The following PIK3CD variants were observed in gnomAD, a reference collection of about 807,000 sequenced individuals.
PIK3CD encodes phosphatidylinositol-4,5-bisphosphate 3-kinase catalytic subunit delta.
PIK3CD carries 20 observed loss-of-function variants against 122.9 expected under a neutral mutation model. That is an observed-to-expected ratio of 0.16 (90% CI 0.11 to 0.24). The LOEUF (loss-of-function observed/expected upper bound fraction) is 0.24, where lower values mean the gene tolerates loss of function less well. Among genes scored for constraint, PIK3CD ranks in the 10% least tolerant of loss-of-function variants. PIK3CD has a pLI of 1.00. For synonymous variants in PIK3CD, 596 were observed against 593.4 expected (o/e 1.00, Z -0.06); for missense variants, 787 against 1,406.3 (o/e 0.56, Z 7.04).
chr1:9,687,612 G>GC (rs1276800390), intron 1 of PIK3CD: 1 of 152,062 alleles, frequency 6.6e-6, no homozygotes, highest in Non-Finnish European at 1.5e-5. Context: ...GCGGTCTCCA[G>GC]CCCCCGGCCC....
At chr1:9,664,364 T>C (rs1004266525) in intron 1 of PIK3CD, among the ~76,000 whole-genome samples, 1 of 152,120 alleles carries the variant, frequency 6.6e-6, no homozygotes, top group East Asian at 1.9e-4. Context: ...TCATTTTCTA[T>C]AGGGCTGTGT....
chr1:9,654,422 A>G, intron 1 of PIK3CD: 2 of 1,367,536 alleles, frequency 1.5e-6, no homozygotes, highest in Non-Finnish European at 2.0e-6. Context: ...CAGGGCAGGC[A>G]GACTGGGAGG....
Position 9,717,486 on chromosome 1 carries a change from G to A in PIK3CD, c.931-51G>A. ...CACGGGCCTCACCATAGGCCAGGGA[G>A]ACAAGCTGCACTTTGAGCCGTGTTA... is the stretch of plus-strand genomic sequence containing the variant. On this transcript the variant is annotated intron_variant, in intron 7 of 23. Transcript: ENST00000377346. The surrounding 1 kb of genome is among the most constrained non-coding windows in gnomAD (Gnocchi z 5.4). 6.3e-7 allele frequency: 1 copy of A among 1,574,930 alleles called. No homozygotes were observed.
chr1:9,672,188 A>G (rs1645350665), intron 1 of PIK3CD, among the ~76,000 whole-genome samples: 1 of 152,160 alleles, frequency 6.6e-6, no homozygotes, highest in South Asian at 2.1e-4. Context: ...TTCAACTTCT[A>G]TTTTTAAAGC....
chr1:9,639,753 A>G, the PIK3CD span, among the ~76,000 whole-genome samples: 3 of 152,136 alleles, frequency 2.0e-5, no homozygotes, highest in African/African-American at 7.2e-5. Context: ...TCTTTGAGAC[A>G]GAGGCTCGCT....
At chr1:9,688,449 T>G (rs1646055888) in intron 1 of PIK3CD, 1 of 152,300 alleles carries the variant, frequency 6.6e-6, no homozygotes, top group Non-Finnish European at 1.5e-5. Context: ...GCAGACAGTG[T>G]TTGTGTGAGT....
Position 9,719,000 on chromosome 1 carries a change from G to A in PIK3CD, c.1242+85G>A, listed in dbSNP as rs973018112. The A allele has an allele frequency of 5.0e-5, 65 of 1,291,010 alleles. No homozygotes were observed. The highest frequency in any genetic ancestry group is 1.9e-4 in the Middle Eastern group (1 of 5,184). The allele number at this position is 1,291,010 out of a possible 1,614,324, so 80.0% of individuals were successfully genotyped here. ...CTGGGCCACTCACCACTCTCCTCCC[G>A]GCAAGCACGCAGCCTGGGGATGGGG... On this transcript the variant is annotated intron_variant, in intron 9 of 23. Transcript: ENST00000377346. The surrounding 1 kb of genome is among the most constrained non-coding windows in gnomAD (Gnocchi z 7.2).
intron 1 of PIK3CD, among the ~76,000 whole-genome samples, chr1:9,685,347 G>A (rs918661240): frequency 6.6e-6 from 1 of 151,652 alleles, no homozygotes; most frequent in African/African-American, 2.4e-5. Context: ...GCTTTTTTTT[G>A]GTTATACTTA....
chr1:9,670,036 T>G (rs1346884752), intron 1 of PIK3CD, among the ~76,000 whole-genome samples: 1 of 149,346 alleles, frequency 6.7e-6, no homozygotes, highest in East Asian at 2.0e-4. Context: ...TAGCTGGGCG[T>G]GGTGGTGGGT....
At chr1:9,675,757 TTTTTG>T (rs1413459389) in intron 1 of PIK3CD, among the ~76,000 whole-genome samples, 4 of 147,520 alleles carry the variant, frequency 2.7e-5, no homozygotes, top group African/African-American at 9.9e-5. Flanking sequence ...TCCTTGTTTG[TTTTTG>T]TTTTGTTTTT....
In PIK3CD at chr1:9,722,754, G is replaced by A. The variant is rs963992454; in HGVS notation, c.2426+148G>A. On this transcript the variant is annotated intron_variant, in intron 19 of 23. Coordinates refer to ENST00000377346, the MANE Select transcript of PIK3CD (RefSeq NM_005026.5). The surrounding 1 kb of genome is among the most constrained non-coding windows in gnomAD (Gnocchi z 7.6). ...AAGACCCGGAGGCGGTTTAACTCTA[G>A]GCCAGGAGGCGGCGGGCAGCAGGAT... 1 of 738,026 alleles carries A rather than the reference G, an allele frequency of 1.4e-6. No homozygotes were observed. The highest frequency in any genetic ancestry group is 1.7e-5 in the African/African-American group (1 of 57,676). The allele number at this position is 738,026 out of a possible 1,614,324, so 45.7% of individuals were successfully genotyped here.
At chr1:9,654,485 A>ACC in intron 1 of PIK3CD, 1 of 1,259,750 alleles carries the variant, frequency 7.9e-7, no homozygotes, top group Non-Finnish European at 1.1e-6. Flanking sequence ...TGGTTGTGCG[A>ACC]AAGCCAGCCC....
chr1:9,668,637 C>T (rs1414435087), intron 1 of PIK3CD, among the ~76,000 whole-genome samples: 1 of 152,062 alleles, frequency 6.6e-6, no homozygotes, highest in Non-Finnish European at 1.5e-5. Context: ...CATGCTTCCC[C>T]TCATTCTTAT....
chr1:9,712,751 A>AAAAT (rs1647106515), intron 3 of PIK3CD, among the ~76,000 whole-genome samples: 1 of 152,230 alleles, frequency 6.6e-6, no homozygotes, highest in South Asian at 2.1e-4. Flanking sequence ...CAATTTAGGA[A>AAAAT]AAGGCCTGGC....
intron 1 of PIK3CD, chr1:9,654,259 CT>C (rs764564621): frequency 1.5e-6 from 2 of 1,367,644 alleles, no homozygotes; most frequent in African/African-American, 3.0e-5. Context: ...CAGATGTCCC[CT>C]TCTGGCAGGA....
chr1:9,638,747 A>AC, the PIK3CD span, among the ~76,000 whole-genome samples: 1 of 150,712 alleles, frequency 6.6e-6, no homozygotes, highest in Non-Finnish European at 1.5e-5. Context: ...AAAAAAAAAA[A>AC]AAACTTCAAT....
At chr1:9,681,396 C>G (rs1645744974) in intron 1 of PIK3CD, among the ~76,000 whole-genome samples, 1 of 152,150 alleles carries the variant, frequency 6.6e-6, no homozygotes, top group South Asian at 2.1e-4. Context: ...CATCACCATG[C>G]CTGGCTGCTG....
At chr1:9,632,466 G>A in the PIK3CD span, among the ~76,000 whole-genome samples, 3 of 152,184 alleles carry the variant, frequency 2.0e-5, no homozygotes, top group Admixed American at 6.5e-5. Flanking sequence ...CTGGGACTGC[G>A]GCCATGTGCC....
the PIK3CD span, among the ~76,000 whole-genome samples, chr1:9,636,854 C>G: frequency 6.6e-6 from 1 of 152,194 alleles, no homozygotes; most frequent in African/African-American, 2.4e-5. Flanking sequence ...AGTTGGTGAT[C>G]TTGGCAAGTT....
Sources: allele counts gnomAD v4.1 joint callset (sites outside exome capture counted in the v4.1 genomes callset), GRCh38; gene constraint gnomAD v4.1.1; non-coding constraint Gnocchi (gnomAD v3.1); transcripts MANE v1.5; gene names NCBI Gene and HGNC (gene_info 2026-07-23, HGNC 2026-07-21).